The following PNPLA6 variants were observed in gnomAD, a reference collection of about 807,000 sequenced individuals.
PNPLA6 encodes the protein patatin like domain 6, lysophospholipase, also known as patatin-like phospholipase domain-containing protein 6.
PNPLA6 carries 105 observed loss-of-function variants against 153.7 expected under a neutral mutation model. The observed-to-expected ratio is 0.68, with a 90% CI of 0.58 to 0.80. PNPLA6 has a LOEUF of 0.80. Among genes scored for constraint, PNPLA6 ranks in the 30% least tolerant of loss-of-function variants. The pLI is 0.00. For synonymous variants in PNPLA6, 825 were observed against 822.2 expected (o/e 1.00, Z -0.06); for missense variants, 1,423 against 1,919.3 (o/e 0.74, Z 4.83).
At chr19:7,545,317 G>A (rs2023342384) in intron 13 of PNPLA6, among the ~76,000 whole-genome samples, 1 of 152,064 alleles carries the variant, frequency 6.6e-6, no homozygotes, top group African/African-American at 2.4e-5. Context: ...GTGATCCTCG[G>A]CACCTGGCCA....
intron 13 of PNPLA6, among the ~76,000 whole-genome samples, chr19:7,543,880 G>A (rs1461290009): frequency 1.3e-5 from 2 of 149,518 alleles, no homozygotes; most frequent in Non-Finnish European, 3.0e-5. Flanking sequence ...GTGGCGTGAC[G>A]GTGGCTCACT....
intron 3 of PNPLA6, among the ~76,000 whole-genome samples, chr19:7,538,631 G>A (rs966651064): frequency 2.8e-4 from 42 of 152,148 alleles, no homozygotes; most frequent in Admixed American, 2.1e-3. Context: ...CCAGGTCCAC[G>A]ATTAGCAGAG....
Position 7,542,015 on chromosome 19 carries a change from C to A in PNPLA6, c.1200C>A (p.Thr400=), listed in dbSNP as rs929650463. ...GDPVKPTSLE[T]PSAPLLSRCV... ...CTGTGAAGCCCACATCCCTGGAAAC[C>A]CCCTCGGCCCCTCTGCTGAGCCGCT... Residue 400 remains threonine, a synonymous_variant, in exon 10 of 32, where the codon ACC becomes ACA. Coordinates refer to ENST00000600737, the MANE Select transcript of PNPLA6 (RefSeq NM_001166114.2). The A allele has an allele frequency of 1.2e-6, 2 of 1,608,136 alleles. No individual in the cohort carries two copies. Among genetic ancestry groups the A allele is most frequent in the Non-Finnish European group, 1.7e-6 (2 of 1,179,926 alleles).
At position 7,540,751 on chromosome 19, in the gene PNPLA6, G is replaced by C. The variant is rs117574616; in HGVS notation, c.795+41G>C. On this transcript the variant is annotated intron_variant, in intron 6 of 31. Transcript: ENST00000600737. The surrounding 1 kb of genome is among the most constrained non-coding windows in gnomAD (Gnocchi z 6.8). Reference sequence around the variant, plus strand: ...CTGAGGCAGGGGGGCTGGGGTGCAAGGTCCCACCCAAGGGACTAGGTTGAA... The same window carrying C: ...CTGAGGCAGGGGGGCTGGGGTGCAACGTCCCACCCAAGGGACTAGGTTGAA... 1 of 1,563,052 alleles carries C rather than the reference G, an allele frequency of 6.4e-7. No individual in the cohort carries two copies. Among genetic ancestry groups the C allele is most frequent in the Non-Finnish European group, 8.8e-7 (1 of 1,133,526 alleles).
At chr19:7,560,906 G>A in intron 29 of PNPLA6, 108 bp from the exon 30 acceptor site, 2 of 859,482 alleles carry the variant, frequency 2.3e-6, no homozygotes, top group South Asian at 1.4e-5. Context: ...ACTTCAGAGA[G>A]TTCCCACCCT....
chr19:7,547,464 T>C (rs2023431308), intron 13 of PNPLA6, among the ~76,000 whole-genome samples: 1 of 152,212 alleles, frequency 6.6e-6, no homozygotes, highest in Non-Finnish European at 1.5e-5. Context: ...GTATATCTTC[T>C]TTGGAGAAGT....
At position 7,558,913 on chromosome 19, in the gene PNPLA6, AGACG is replaced by A; in HGVS notation, c.3465_3468del (p.Asp1156SerfsTer18). On this transcript the variant is annotated frameshift_variant, in exon 28 of 32. Transcript: ENST00000600737. LOFTEE classifies it high-confidence loss of function. ...GCCATTGACGTGGGGAGCCAGGATG[AGACG>A]GACCTCAGCACCTACGGGGACAGCC... The A allele has an allele frequency of 6.2e-7, 1 of 1,614,090 alleles. No homozygotes were observed. The highest frequency in any genetic ancestry group is 1.1e-5 in the South Asian group (1 of 91,086).
Position 7,540,490 on chromosome 19 carries a change from A to T in PNPLA6, c.715-140A>T, listed in dbSNP as rs2023082250. 9 of 962,596 alleles carry T rather than the reference A, an allele frequency of 9.3e-6. No individual in the cohort carries two copies. In the Admixed American group the frequency reaches 1.7e-4, roughly 19 times the overall value. 59.6% of individuals were successfully genotyped at this position (962,596 alleles called of 1,614,324 possible). ...GTAGTTACAAGTATTGAACGATGGG[A>T]GATGCCTGCTCGTTGGAAGGGTTGG... On this transcript the variant is annotated intron_variant, in intron 5 of 31. Transcript: ENST00000600737. The surrounding 1 kb of genome is among the most constrained non-coding windows in gnomAD (Gnocchi z 6.8).
chr19:7,546,211 A>G (rs2023379817), intron 13 of PNPLA6, among the ~76,000 whole-genome samples: 1 of 152,122 alleles, frequency 6.6e-6, no homozygotes, highest in Admixed American at 6.6e-5. Context: ...GTGGGAAGAA[A>G]TAGGTTGATC....
Position 7,550,038 on chromosome 19 carries a change from C to T in PNPLA6, c.1740C>T (p.Gly580=), listed in dbSNP as rs752720134. Residue 580 remains glycine, a synonymous_variant, in exon 14 of 32, where the codon GGC becomes GGT. Coordinates refer to ENST00000600737, the MANE Select transcript of PNPLA6 (RefSeq NM_001166114.2). The part of the protein sequence containing the change: ...ELVGQLAVLT[G]EPLIFTLRAQ... Reference sequence around the variant, plus strand: ...TGGGGCAGCTGGCGGTGCTCACTGGCGAACCTCTCATCTTCACACTGCGAG... The same window carrying T: ...TGGGGCAGCTGGCGGTGCTCACTGGTGAACCTCTCATCTTCACACTGCGAG... 28 of 1,613,892 alleles carry T rather than the reference C, an allele frequency of 1.7e-5. No individual in the cohort carries two copies. Among genetic ancestry groups the T allele is most frequent in the Non-Finnish European group, 2.1e-5 (25 of 1,180,044 alleles).
chr19:7,546,231 T>G (rs586551), intron 13 of PNPLA6, among the ~76,000 whole-genome samples: 1 of 151,958 alleles, frequency 6.6e-6, no homozygotes, highest in African/African-American at 2.4e-5. Flanking sequence ...CTCTAAGAAA[T>G]AAAAAAGGAA....
chr19:7,544,583 C>A (rs1370005079), intron 13 of PNPLA6, among the ~76,000 whole-genome samples: 1 of 152,074 alleles, frequency 6.6e-6, no homozygotes, highest in Non-Finnish European at 1.5e-5. Flanking sequence ...TGTTTAGCAG[C>A]AGCTTATAGG....
At chr19:7,559,409 T>C (rs545901268) in intron 28 of PNPLA6, among the ~76,000 whole-genome samples, 25 of 152,310 alleles carry the variant, frequency 1.6e-4, no homozygotes, top group Non-Finnish European at 2.2e-4. Context: ...TGATTTCTAC[T>C]GCCATTTCTG....
chr19:7,560,634 C>G lies in PNPLA6; in HGVS notation c.3700-14C>G. Reference sequence around the variant, plus strand: ...AGGGTTGCAGACATGGACCCAGCCCCTCATTTCCCACAGGATGTGGGCTAC... The same window carrying G: ...AGGGTTGCAGACATGGACCCAGCCCGTCATTTCCCACAGGATGTGGGCTAC... On this transcript the variant is annotated splice_polypyrimidine_tract_variant and intron_variant, in intron 28 of 31. Transcript: ENST00000600737. 1 of 1,576,680 alleles carries G rather than the reference C, an allele frequency of 6.3e-7. No homozygotes were observed. The highest frequency in any genetic ancestry group is 8.7e-7 in the Non-Finnish European group (1 of 1,145,950).
At position 7,559,152 on chromosome 19, in the gene PNPLA6, G is replaced by A. The variant is rs749023368; in HGVS notation, c.3699+1G>A. The A allele has an allele frequency of 1.2e-6, 2 of 1,613,962 alleles. No homozygotes were observed. Among genetic ancestry groups the A allele is most frequent in the South Asian group, 2.2e-5 (2 of 91,084 alleles). ...CTTTGGGAAGTTCGACCAGATCTAT[G>A]TGAGTGGGCAGGAGTGGCATGGTGC... On this transcript the variant is annotated splice_donor_variant, in intron 28 of 31. Coordinates refer to ENST00000600737, the MANE Select transcript of PNPLA6 (RefSeq NM_001166114.2). LOFTEE classifies it high-confidence loss of function.
chr19:7,559,591 C>T (rs1359736796), intron 28 of PNPLA6, among the ~76,000 whole-genome samples: 2 of 151,994 alleles, frequency 1.3e-5, no homozygotes, highest in Non-Finnish European at 2.9e-5. Context: ...GTAATCCCAG[C>T]ACCTTGGGAA....
chr19:7,546,135 A>G (rs1446564078), intron 13 of PNPLA6, among the ~76,000 whole-genome samples: 1 of 152,092 alleles, frequency 6.6e-6, no homozygotes, highest in Non-Finnish European at 1.5e-5. Context: ...GGGAGGAACA[A>G]ACTGGGTGCA....
In PNPLA6 at chr19:7,550,443, C is replaced by A. The variant is rs563824405; in HGVS notation, c.1946+14C>A. The A allele has an allele frequency of 6.2e-7, 1 of 1,611,558 alleles. No individual in the cohort carries two copies. The highest frequency in any genetic ancestry group is 1.7e-5 in the Admixed American group (1 of 59,990). On this transcript the variant is annotated intron_variant, in intron 15 of 31. Coordinates refer to ENST00000600737, the MANE Select transcript of PNPLA6 (RefSeq NM_001166114.2). The stretch of plus-strand genomic sequence containing the variant: ...CGCGCTGTACAGGTGCAGCTCCCAC[C>A]GCGCTGCTCAGGCCCGGCCTAGGGG...
intron 18 of PNPLA6, among the ~76,000 whole-genome samples, chr19:7,553,372 CT>C (rs1278550304): frequency 7.2e-5 from 11 of 152,218 alleles, no homozygotes; most frequent in African/African-American, 2.7e-4. Flanking sequence ...CTGCCTCAGC[CT>C]CCCAAGTAGC....
Sources: allele counts gnomAD v4.1 joint callset (sites outside exome capture counted in the v4.1 genomes callset), GRCh38; gene constraint gnomAD v4.1.1; non-coding constraint Gnocchi (gnomAD v3.1); transcripts MANE v1.5; gene names NCBI Gene and HGNC (gene_info 2026-07-23, HGNC 2026-07-21).